ROBO2: variants seen among roughly 807,000 people sequenced by gnomAD.
ROBO2 encodes roundabout homolog 2.
Under a neutral mutation model 160.8 loss-of-function variants are expected in ROBO2, and 53 were observed. The ratio of observed to expected loss-of-function variants is 0.33; its 90% CI spans 0.26 to 0.41. The LOEUF (loss-of-function observed/expected upper bound fraction) is 0.41. Among genes scored for constraint, ROBO2 ranks in the 10% least tolerant of loss-of-function variants. The probability of loss-of-function intolerance (pLI) is 1.00; values close to 1 mark genes in which losing one functional copy is unlikely to be tolerated. For missense variants in ROBO2, 1,577 were observed against 1,722.4 expected, an observed-to-expected ratio of 0.92 and a Z score of 1.49; for synonymous variants, 664 against 611.7, an observed-to-expected ratio of 1.09 and a Z score of -1.26.
At chr3:77,251,656 T>C (rs1421220517) in intron 2 of ROBO2, among the ~76,000 whole-genome samples, 1 of 152,068 alleles carries the variant, frequency 6.6e-6, no homozygotes, top group Admixed American at 6.5e-5. Flanking sequence ...GCTCCCATAA[T>C]TGTTGTTAGG....
chr3:76,610,252 C>T (rs1022909226), intron 2 of ROBO2, among the ~76,000 whole-genome samples: 2 of 152,164 alleles, frequency 1.3e-5, no homozygotes, highest in Non-Finnish European at 2.9e-5. Context: ...AGCCGCTTCA[C>T]CAGCCAGAAA....
At chr3:76,711,944 T>G in intron 2 of ROBO2, among the ~76,000 whole-genome samples, 1 of 152,162 alleles carries the variant, frequency 6.6e-6, no homozygotes. Flanking sequence ...ATTAATTCAT[T>G]TGTCCTGATT....
intron 2 of ROBO2, among the ~76,000 whole-genome samples, chr3:76,131,775 G>C (rs866595847): frequency 1.3e-5 from 2 of 152,124 alleles, no homozygotes; most frequent in Admixed American, 6.6e-5. Context: ...GCATTCTTCT[G>C]AGCATGATTG....
At chr3:76,847,509 A>G (rs1460530347) in intron 2 of ROBO2, among the ~76,000 whole-genome samples, 1 of 152,214 alleles carries the variant, frequency 6.6e-6, no homozygotes, top group Non-Finnish European at 1.5e-5. Context: ...ACTTTTCTCT[A>G]TAGAAAAATC....
At chr3:76,538,832 A>G (rs1009437969) in intron 2 of ROBO2, among the ~76,000 whole-genome samples, 1 of 152,146 alleles carries the variant, frequency 6.6e-6, no homozygotes, top group Non-Finnish European at 1.5e-5. Flanking sequence ...CTTATAAGTG[A>G]CATCATGCAG....
At chr3:76,807,706 C>A (rs978015650) in intron 2 of ROBO2, among the ~76,000 whole-genome samples, 1 of 151,928 alleles carries the variant, frequency 6.6e-6, no homozygotes, top group African/African-American at 2.4e-5. Context: ...AAGGAGTATG[C>A]ATAATGTTTT....
chr3:77,169,857 G>T (rs7428284), intron 2 of ROBO2, among the ~76,000 whole-genome samples: 15,622 of 152,136 alleles, frequency 0.1, 1,146 homozygotes, highest in African/African-American at 0.2. Context: ...CACCAAGGGG[G>T]CAGGAGTTGA....
At chr3:77,259,206 C>A (rs1206916422) in intron 2 of ROBO2, among the ~76,000 whole-genome samples, 3 of 152,180 alleles carry the variant, frequency 2.0e-5, no homozygotes, top group African/African-American at 7.2e-5. Flanking sequence ...GCTTTCTTGT[C>A]TGTCTCCTTG....
At chr3:76,952,876 T>C (rs1484851581) in intron 2 of ROBO2, among the ~76,000 whole-genome samples, 3 of 152,222 alleles carry the variant, frequency 2.0e-5, no homozygotes, top group Non-Finnish European at 2.9e-5. Context: ...ATGACTACAA[T>C]TTACACACAT....
At chr3:77,087,819 T>G (rs2069543454) in intron 1 of ROBO2, among the ~76,000 whole-genome samples, 1 of 152,058 alleles carries the variant, frequency 6.6e-6, no homozygotes, top group Admixed American at 6.6e-5. Flanking sequence ...ATAGGAATGT[T>G]GTATATATAT....
intron 2 of ROBO2, among the ~76,000 whole-genome samples, chr3:77,421,033 T>C (rs1400089450): frequency 1.3e-5 from 2 of 152,140 alleles, no homozygotes; most frequent in Non-Finnish European, 2.9e-5. Flanking sequence ...GAAAGTATAG[T>C]ATGGAAGGGA....
At chr3:76,850,253 A>G (rs1362177670) in intron 2 of ROBO2, among the ~76,000 whole-genome samples, 1 of 152,124 alleles carries the variant, frequency 6.6e-6, no homozygotes, top group Non-Finnish European at 1.5e-5. Context: ...AAATAGCTAC[A>G]CTTCATCTTC....
intron 2 of ROBO2, among the ~76,000 whole-genome samples, chr3:77,460,307 A>G (rs1416106142): frequency 6.6e-6 from 1 of 152,166 alleles, no homozygotes; most frequent in Non-Finnish European, 1.5e-5. Context: ...AGATTGCGGA[A>G]ATAAAGACTT....
chr3:75,988,621 A>G, intron 2 of ROBO2, among the ~76,000 whole-genome samples: 1 of 152,004 alleles, frequency 6.6e-6, no homozygotes, highest in East Asian at 1.9e-4. Context: ...AAGCTTTTAT[A>G]ACTATAACTT....
At chr3:77,318,868 ATAT>A (rs1191301999) in intron 2 of ROBO2, among the ~76,000 whole-genome samples, 1 of 152,182 alleles carries the variant, frequency 6.6e-6, no homozygotes, top group African/African-American at 2.4e-5. Context: ...TGTCAAGGTA[ATAT>A]TATTTATGAA....
At chr3:76,186,849 A>G (rs1701789088) in intron 2 of ROBO2, among the ~76,000 whole-genome samples, 1 of 152,012 alleles carries the variant, frequency 6.6e-6, no homozygotes, top group Non-Finnish European at 1.5e-5. Context: ...AACAACCACC[A>G]TGTTGCCAAG....
At chr3:76,303,069 A>G (rs2071151836) in intron 2 of ROBO2, among the ~76,000 whole-genome samples, 1 of 152,136 alleles carries the variant, frequency 6.6e-6, no homozygotes, top group African/African-American at 2.4e-5. Flanking sequence ...CCTTTCTAGC[A>G]CTGTCCTTTA....
rs1465644573 is a variant in ROBO2, at chr3:76,946,358, GATTAC to G, written c.110-151655_110-151651del. Reference sequence around the variant, plus strand: ...CACACGTACTGATTACCACTCAGTTGATTACTTGAAAAGGACCCTGTGTAGGGCTC... The same window carrying G: ...CACACGTACTGATTACCACTCAGTTGTTGAAAAGGACCCTGTGTAGGGCTC... On this transcript the variant is annotated intron_variant, in intron 2 of 26. Transcript: ENST00000487694. Among the ~76,000 whole-genome samples the G allele has an allele frequency of 3.8e-3, 586 of 152,238 alleles. 3 individuals are homozygous for G. Among genetic ancestry groups the G allele is most frequent in the African/African-American group, 0.013 (554 of 41,524 alleles).
At chr3:77,292,689 G>T (rs1440642040) in intron 2 of ROBO2, among the ~76,000 whole-genome samples, 1 of 95,730 alleles carries the variant, frequency 1.0e-5, no homozygotes, top group Non-Finnish European at 2.9e-5. Flanking sequence ...AAACGGGTAA[G>T]CTGAGGCTAG....
Sources: gnomAD v4.1 joint callset for allele counts (sites outside exome capture counted in the v4.1 genomes callset) on GRCh38, gnomAD v4.1.1 for gene constraint, MANE v1.5 for transcripts, NCBI Gene and HGNC (gene_info 2026-07-23, HGNC 2026-07-21) for gene names.